Variants in LSM7 observed in about 807,000 individuals in gnomAD.
LSM7 encodes U6 snRNA-associated Sm-like protein LSm7.
LSM7 carries 13 observed loss-of-function variants against 14.1 expected under a neutral mutation model. The observed-to-expected ratio is 0.92, with a 90% CI of 0.60 to 1.47. The LOEUF (loss-of-function observed/expected upper bound fraction) is 1.47, where lower values mean the gene tolerates loss of function less well. Ranked by LOEUF, LSM7 falls within the 40% of genes most tolerant of loss-of-function variation. The probability of loss-of-function intolerance (pLI) is 0.00; values close to 1 mark genes in which losing one functional copy is unlikely to be tolerated. For missense variants in LSM7, 108 were observed against 140.8 expected (o/e 0.77, Z 1.18); for synonymous variants, 70 against 57.1 (o/e 1.23, Z -1.02).
At chr19:2,324,471 T>C in intron 2 of LSM7, 1 of 504,996 alleles carries the variant, frequency 2.0e-6, no homozygotes, top group Non-Finnish European at 3.6e-6. Flanking sequence ...GCTGCCTGGG[T>C]GGAGGCAGCT....
At chr19:2,324,066 C>G (rs571236212) in intron 3 of LSM7, 59 bp downstream of exon 3, 191 of 884,950 alleles carry the variant, frequency 2.2e-4, no homozygotes, top group Non-Finnish European at 3.0e-4. Flanking sequence ...GTCCCGCTGC[C>G]CCCCTCACCC....
Position 2,324,191 on chromosome 19 carries a change from C to T in LSM7, c.103G>A (p.Gly35Arg). The change falls in exon 3 of 4, where the codon GGA (glycine) becomes AGA (arginine). Residue 35 changes from glycine (G) to arginine (R), a missense_variant. Gly to Arg is a moderately radical substitution (Grantham distance 125). Coordinates refer to ENST00000252622, the MANE Select transcript of LSM7 (RefSeq NM_016199.3). ...AGTGGGTCGAAGCCCTTCAGGATTC[C>T]ACTGGCTTGGAGAAATCACCGGGGG... Reference protein sequence around the residue: ...VKFQGGREASGILKGFDPLLN... With the variant: ...VKFQGGREASRILKGFDPLLN... The T allele has an allele frequency of 6.3e-7, 1 of 1,578,390 alleles. No individual in the cohort carries two copies. The highest frequency in any genetic ancestry group is 1.2e-5 in the South Asian group (1 of 85,882).
intron 2 of LSM7, 77 bp downstream of exon 2, chr19:2,328,310 T>G: frequency 8.4e-7 from 1 of 1,194,472 alleles, no homozygotes; most frequent in Non-Finnish European, 1.2e-6. Context: ...TGCTTCCGCA[T>G]GCGTCCTCAT....
rs1156709512 is a variant in LSM7 at position 2,321,832 on chromosome 19, A to G, written c.170-10T>C. 1.4e-6 allele frequency: 2 copies of G among 1,445,774 alleles called. No homozygotes were observed. The highest frequency in any genetic ancestry group is 5.5e-5 in the East Asian group (2 of 36,440). The allele number at this position is 1,445,774 out of a possible 1,614,324, so 89.6% of individuals were successfully genotyped here. ...TACTGGTCGTCAGGGTCTGGGGAGG[A>G]GCAGATAGAGAGGACTGAGGGACCT... On this transcript the variant is annotated splice_polypyrimidine_tract_variant and intron_variant, in intron 3 of 3. Coordinates refer to ENST00000252622, the MANE Select transcript of LSM7 (RefSeq NM_016199.3). This position sits in a 1 kb window ranked among gnomAD's most constrained non-coding sequence, Gnocchi z 5.0.
intron 2 of LSM7, among the ~76,000 whole-genome samples, chr19:2,327,630 A>G (rs1226922750): frequency 6.6e-6 from 1 of 152,138 alleles, no homozygotes; most frequent in Non-Finnish European, 1.5e-5. Context: ...CTCAAACCCT[A>G]GGGTGAAGCC....
intron 2 of LSM7, among the ~76,000 whole-genome samples, chr19:2,325,762 G>A (rs778670748): frequency 2.6e-5 from 4 of 152,244 alleles, no homozygotes; most frequent in Non-Finnish European, 4.4e-5. Context: ...CCGCTCAGGC[G>A]CTGACCAGGG....
At chr19:2,326,300 C>G (rs1968013755) in intron 2 of LSM7, among the ~76,000 whole-genome samples, 1 of 145,032 alleles carries the variant, frequency 6.9e-6, no homozygotes, top group African/African-American at 2.6e-5. Flanking sequence ...GGGACCAAAC[C>G]CTTTCTGCTT....
intron 2 of LSM7, among the ~76,000 whole-genome samples, chr19:2,326,487 C>G (rs919291854): frequency 7.2e-5 from 11 of 152,222 alleles, no homozygotes; most frequent in Non-Finnish European, 1.3e-4. Context: ...AGGCATGCGC[C>G]ACCATGCCCA....
At chr19:2,325,383 G>A (rs1199066151) in intron 2 of LSM7, among the ~76,000 whole-genome samples, 8 of 150,254 alleles carry the variant, frequency 5.3e-5, no homozygotes, top group Non-Finnish European at 8.9e-5. Context: ...ACTGAGGGGC[G>A]TCCCGCAGCC....
At chr19:2,328,077 T>G in intron 2 of LSM7, 1 of 260,416 alleles carries the variant, frequency 3.8e-6, no homozygotes, top group Non-Finnish European at 7.5e-6. Context: ...GGCCAGGAGT[T>G]TGAGACCATC....
chr19:2,328,500 G>A, intron 1 of LSM7, 23 bp from the exon 2 acceptor site: 17 of 1,612,740 alleles, frequency 1.1e-5, no homozygotes, highest in Non-Finnish European at 1.4e-5. Context: ...CAGAGCGCAT[G>A]AGACCTGGAG....
At chr19:2,326,235 C>G (rs1325765766) in intron 2 of LSM7, 2 of 151,944 alleles carry the variant, frequency 1.3e-5, no homozygotes, top group Non-Finnish European at 2.9e-5. Flanking sequence ...GCTGACTGAG[C>G]CAATCAAGAG....
At chr19:2,323,578 G>A (rs549240192) in intron 3 of LSM7, among the ~76,000 whole-genome samples, 10 of 152,120 alleles carry the variant, frequency 6.6e-5, no homozygotes, top group Non-Finnish European at 1.2e-4. Context: ...AGCCTCCCGA[G>A]CAGCTGGGAT....
At chr19:2,325,960 C>A (rs1968008804) in intron 2 of LSM7, 1 of 152,386 alleles carries the variant, frequency 6.6e-6, no homozygotes, top group Admixed American at 6.5e-5. Flanking sequence ...CAAGTCCCTC[C>A]CCTGCAAAAT....
intron 2 of LSM7, 171 bp from the exon 3 acceptor site, chr19:2,324,367 C>T (rs1967983002): frequency 4.9e-6 from 3 of 609,424 alleles, no homozygotes; most frequent in Non-Finnish European, 6.0e-6. Context: ...GAGTGATCTC[C>T]ACCACAGGCA....
chr19:2,328,282 GAAAAT>G lies in LSM7; in HGVS notation c.97+100_97+104del. 5 of 986,306 alleles carry G rather than the reference GAAAAT, an allele frequency of 5.1e-6. No homozygotes were observed. The South Asian group carries it at 8.1e-5, about 16-fold the overall frequency. The allele number at this position is 986,306 out of a possible 1,614,324, so 61.1% of individuals were successfully genotyped here. ...GAGACTGCGTCTCAAAAAAAATAATGAAAATAAATAAAAGAGGTGCTTCCGCATGC... is the reference window on the plus strand; with the variant it reads ...GAGACTGCGTCTCAAAAAAAATAATGAAATAAAAGAGGTGCTTCCGCATGC... On this transcript the variant is annotated intron_variant, in intron 2 of 3. Transcript: ENST00000252622.
intron 1 of LSM7, 41 bp from the exon 2 acceptor site, chr19:2,328,518 C>T (rs752898146): frequency 1.1e-5 from 17 of 1,609,396 alleles, no homozygotes; most frequent in Non-Finnish European, 1.4e-5. Flanking sequence ...GAGCGCGGCC[C>T]GAGCTCCACG....
At chr19:2,324,361 G>A in intron 2 of LSM7, 165 bp from the exon 3 acceptor site, 1 of 619,268 alleles carries the variant, frequency 1.6e-6, no homozygotes, top group East Asian at 2.8e-5. Flanking sequence ...CCTCCAGAGT[G>A]ATCTCCACCA....
At chr19:2,328,098 T>C in intron 2 of LSM7, 2 of 324,662 alleles carry the variant, frequency 6.2e-6, no homozygotes, top group South Asian at 3.7e-5. Context: ...CTGGCCAACA[T>C]GGCCTCTCTA....
Sources: gnomAD v4.1 joint callset for allele counts (sites outside exome capture counted in the v4.1 genomes callset) on GRCh38, gnomAD v4.1.1 for gene constraint, Gnocchi (gnomAD v3.1) non-coding constraint, MANE v1.5 for transcripts, NCBI Gene and HGNC (gene_info 2026-07-23, HGNC 2026-07-21) for gene names.